SEZ6: variants seen among roughly 807,000 people sequenced by gnomAD.
SEZ6 encodes the protein seizure related 6 homolog.
Under a neutral mutation model 101.0 loss-of-function variants are expected in SEZ6, and 53 were observed. The ratio of observed to expected loss-of-function variants is 0.52; its 90% CI spans 0.42 to 0.66. The LOEUF is 0.66. Ranked by LOEUF, SEZ6 falls within the 30% of genes least tolerant of loss-of-function variation. The pLI, the probability that SEZ6 is intolerant of heterozygous loss-of-function variation, is 0.00. For synonymous variants in SEZ6, 488 were observed against 512.2 expected (o/e 0.95, Z 0.64); for missense variants, 1,102 against 1,289.4 (o/e 0.85, Z 2.23).
chr17:28,961,975 T>C (rs116837067), intron 5 of SEZ6, among the ~76,000 whole-genome samples: 2,676 of 152,260 alleles, frequency 0.018, 71 homozygotes, highest in African/African-American at 0.061. Context: ...CAGCTTGGTC[T>C]CAGAATGGAA....
intron 1 of SEZ6, among the ~76,000 whole-genome samples, chr17:28,995,529 C>G (rs1288162058): frequency 6.6e-6 from 1 of 152,192 alleles, no homozygotes; most frequent in Non-Finnish European, 1.5e-5. Context: ...TGAGAGCTGA[C>G]GTGACCTGTG....
chr17:28,993,955 CT>C (rs1568001702), intron 1 of SEZ6, among the ~76,000 whole-genome samples: 1 of 152,262 alleles, frequency 6.6e-6, no homozygotes, highest in Non-Finnish European at 1.5e-5. Context: ...ACCTCCCTGA[CT>C]TTGTGACCTT....
chr17:28,959,438 G>A lies in SEZ6; in HGVS notation c.1806C>T (p.Gly602=), dbSNP rs374400440. The A allele has an allele frequency of 6.3e-5, 102 of 1,613,368 alleles. No individual in the cohort carries two copies. The highest frequency in any genetic ancestry group is 8.3e-5 in the Non-Finnish European group (98 of 1,179,844). Residue 602 remains glycine (G), a synonymous_variant, in exon 9 of 17, where the codon GGC becomes GGT. Coordinates refer to ENST00000317338, the MANE Select transcript of SEZ6 (RefSeq NM_178860.5). This position sits in a 1 kb window ranked among gnomAD's most constrained non-coding sequence, Gnocchi z 4.4. ...CTGGCCAGTTGGGAGAGAGTACCAC[G>A]CCAGCCGAGTCTGTGATCTCCCCGC... The part of the protein sequence containing the change: ...VCSGEITDSA[G]VVLSPNWPEP...
At position 28,981,953 on chromosome 17, in the gene SEZ6, G is replaced by T. The variant is rs181031076; in HGVS notation, c.142C>A (p.Pro48Thr). Residue 48 changes from proline (P) to threonine (T), a missense_variant, in exon 2 of 17, where the codon CCT (proline) becomes ACT (threonine). This residue lies in a region of SEZ6 where 406 missense variants were observed against 418.6 expected (regional missense o/e 0.97). Coordinates refer to ENST00000317338, the MANE Select transcript of SEZ6 (RefSeq NM_178860.5). Reference protein sequence around the residue: ...TDGELTAAPTPEQPERGVHFV... With the variant: ...TDGELTAAPTTEQPERGVHFV... Reference sequence around the variant, plus strand: ...TGGACGCCTCGTTCTGGCTGCTCAGGTGTGGGGGCTGCTGTCAGCTCGCCA... The same window carrying T: ...TGGACGCCTCGTTCTGGCTGCTCAGTTGTGGGGGCTGCTGTCAGCTCGCCA... The T allele has an allele frequency of 8.2e-3, 13,270 of 1,613,730 alleles. 77 individuals are homozygous for T. The highest frequency in any genetic ancestry group is 9.9e-3 in the Non-Finnish European group (11,680 of 1,179,836).
chr17:28,985,727 C>G (rs1399887373), intron 1 of SEZ6, among the ~76,000 whole-genome samples: 2 of 152,206 alleles, frequency 1.3e-5, no homozygotes, highest in African/African-American at 4.8e-5. Context: ...TACCCATGTT[C>G]CATGTTGGGT....
At chr17:28,973,342 C>T (rs1002820438) in intron 3 of SEZ6, among the ~76,000 whole-genome samples, 97 of 152,180 alleles carry the variant, frequency 6.4e-4, no homozygotes, top group African/African-American at 2.2e-3. Context: ...CTCAGCACCC[C>T]CAGGTTTAGC....
chr17:28,957,689 C>T (rs1598176904), intron 11 of SEZ6, 150 bp from the exon 12 acceptor site: 1 of 913,206 alleles, frequency 1.1e-6, no homozygotes, highest in South Asian at 1.8e-5. Context: ...TAGTGTGTCC[C>T]CCCATTTGTC....
At chr17:28,971,441 A>G (rs1340314732) in intron 3 of SEZ6, among the ~76,000 whole-genome samples, 1 of 152,038 alleles carries the variant, frequency 6.6e-6, no homozygotes, top group Non-Finnish European at 1.5e-5. Context: ...AAAAATACAA[A>G]GATTAGCTGG....
At chr17:28,976,862 G>A (rs901680659) in intron 3 of SEZ6, among the ~76,000 whole-genome samples, 1 of 152,220 alleles carries the variant, frequency 6.6e-6, no homozygotes, top group Non-Finnish European at 1.5e-5. Flanking sequence ...CTCAGGCCAG[G>A]TGTCATCACC....
chr17:28,984,818 CAGTGGAT>C (rs2041355424), intron 1 of SEZ6, among the ~76,000 whole-genome samples: 1 of 152,110 alleles, frequency 6.6e-6, no homozygotes, highest in Admixed American at 6.5e-5. Flanking sequence ...GGATTGTGGC[CAGTGGAT>C]AGGGGCTTCT....
In SEZ6 at chr17:28,957,222, G is replaced by GGCATGGCTT; in HGVS notation, c.2506_2514dup (p.Lys836_Cys838dup). On this transcript the variant is annotated inframe_insertion, in exon 13 of 17. Transcript: ENST00000317338. ...CCATTCTCAGGGGCACTGAGACCAT[G>GGCATGGCTT]GCATGGCTTGAGCTGTTCCACTACA... The GGCATGGCTT allele has an allele frequency of 6.2e-7, 1 of 1,614,046 alleles. No individual in the cohort carries two copies. The highest frequency in any genetic ancestry group is 8.5e-7 in the Non-Finnish European group (1 of 1,179,890).
Position 28,956,359 on chromosome 17 carries a change from T to C in SEZ6, c.2840A>G (p.Tyr947Cys). Residue 947 changes from tyrosine (Y) to cysteine (C), a missense_variant, in exon 15 of 17, where the codon TAC (tyrosine) becomes TGC (cysteine). Tyr to Cys is a radical substitution (Grantham distance 194). Coordinates refer to ENST00000317338, the MANE Select transcript of SEZ6 (RefSeq NM_178860.5). ...GAGAAGCCAGACTCACCTGGAGAAG[T>C]AGAAGTATACACCTCCTACCAACAA... ...MVLLVGGVYF[Y>C]FSRLQGKSSL... 6.4e-7 allele frequency: 1 copy of C among 1,573,118 alleles called. No individual in the cohort carries two copies. Among genetic ancestry groups the C allele is most frequent in the Non-Finnish European group, 8.6e-7 (1 of 1,158,974 alleles).
chr17:28,999,489 C>T (rs1467872731), intron 1 of SEZ6, among the ~76,000 whole-genome samples: 2 of 152,272 alleles, frequency 1.3e-5, no homozygotes, highest in Middle Eastern at 3.4e-3. Flanking sequence ...CCTGGAGACC[C>T]GGATTGTTGT....
rs2041680410 is a variant in SEZ6, at chr17:29,005,753, CT to C, written c.55+61del. ...GCCCGAAGCTGGGCACCGGGTCTCC[CT>C]TCCCACCCCTGGGGCCCCGCTCCCG... On this transcript the variant is annotated intron_variant, in intron 1 of 16. Transcript: ENST00000317338. This position sits in a 1 kb window ranked among gnomAD's most constrained non-coding sequence, Gnocchi z 4.8. 3.4e-6 allele frequency: 5 copies of C among 1,451,982 alleles called. No homozygotes were observed. The highest frequency in any genetic ancestry group is 2.2e-5 in the Admixed American group (1 of 45,552). The allele number at this position is 1,451,982 out of a possible 1,614,324, so 89.9% of individuals were successfully genotyped here.
intron 1 of SEZ6, among the ~76,000 whole-genome samples, chr17:28,984,006 T>A (rs961751522): frequency 6.6e-6 from 1 of 152,182 alleles, no homozygotes; most frequent in African/African-American, 2.4e-5. Context: ...TCTCCATTCT[T>A]CTGGGTCAGA....
chr17:28,957,379 G>C lies in SEZ6; in HGVS notation c.2463C>G (p.Pro821=). ...ATTTAGGGGCCCGGTCACTCCACTT[G>C]GGGCTGCCAGCCTGGCGATCATGGC... ...LTCHDRQAGS[P]KWSDRAPKCL... The change falls in exon 12 of 17, where the codon CCC becomes CCG. Residue 821 remains proline, a synonymous_variant. Transcript: ENST00000317338. 6.2e-7 allele frequency: 1 copy of C among 1,613,916 alleles called. No homozygotes were observed. Among genetic ancestry groups the C allele is most frequent in the Non-Finnish European group, 8.5e-7 (1 of 1,179,824 alleles).
chr17:29,003,317 G>A (rs2041640194), intron 1 of SEZ6, among the ~76,000 whole-genome samples: 2 of 152,188 alleles, frequency 1.3e-5, no homozygotes, highest in Non-Finnish European at 1.5e-5. Flanking sequence ...GATGCCTGAC[G>A]CCAATCAAGA....
chr17:28,977,056 G>T (rs2041230959), intron 3 of SEZ6, among the ~76,000 whole-genome samples: 1 of 152,238 alleles, frequency 6.6e-6, no homozygotes, highest in Admixed American at 6.5e-5. Flanking sequence ...AATTCTCAAT[G>T]TTTGCTTGTG....
In SEZ6 at chr17:28,987,507, T is replaced by A. The variant is rs562450193; in HGVS notation, c.56-5468A>T. ...TGTCCAGCACCTGAGGCAGGTTTGC[T>A]GCTATCCATCTGCTTGTATTGACAG... On this transcript the variant is annotated intron_variant, in intron 1 of 16. Coordinates refer to ENST00000317338, the MANE Select transcript of SEZ6 (RefSeq NM_178860.5). 3.9e-5 allele frequency among the ~76,000 whole-genome samples: 6 copies of A among 152,318 alleles called. No homozygotes were observed. The East Asian group carries it at 1.2e-3, about 29-fold the overall frequency.
Sources: allele counts gnomAD v4.1 joint callset (sites outside exome capture counted in the v4.1 genomes callset), GRCh38; gene constraint gnomAD v4.1.1; regional missense constraint gnomAD v4.1.1; non-coding constraint Gnocchi (gnomAD v3.1); transcripts MANE v1.5; gene names NCBI Gene and HGNC (gene_info 2026-07-23, HGNC 2026-07-21).